The following CCND3 variants were observed in gnomAD, a reference collection of about 807,000 sequenced individuals.
CCND3 encodes the protein cyclin D3.
In CCND3, 9 loss-of-function variants were observed where a neutral mutation model predicts 28.7. The observed-to-expected ratio is 0.31, with a 90% confidence interval of 0.19 to 0.55. CCND3 has a LOEUF of 0.55. Among genes scored for constraint, CCND3 ranks in the 20% least tolerant of loss-of-function variants. The probability of loss-of-function intolerance (pLI) is 0.93; values close to 1 mark genes in which losing one functional copy is unlikely to be tolerated. For missense variants in CCND3, 315 were observed against 385.8 expected (o/e 0.82, Z 1.54); for synonymous variants, 164 against 163.9 (o/e 1.00, Z 0.00).
intron 1 of CCND3, among the ~76,000 whole-genome samples, chr6:41,951,283 C>A (rs369061895): frequency 6.6e-6 from 1 of 150,922 alleles, no homozygotes; most frequent in South Asian, 2.1e-4. Flanking sequence ...AGGCCAGGCG[C>A]GGTGGCTCAC....
chr6:42,046,218 A>C (rs1562002716), intron 1 of CCND3, among the ~76,000 whole-genome samples: 1 of 152,152 alleles, frequency 6.6e-6, no homozygotes, highest in Non-Finnish European at 1.5e-5. Flanking sequence ...AGCGTTTCAG[A>C]AAGGAGGTGG....
intron 1 of CCND3, among the ~76,000 whole-genome samples, chr6:42,037,386 C>T (rs1258451138): frequency 6.6e-6 from 1 of 151,874 alleles, no homozygotes. Flanking sequence ...TACAGGCATG[C>T]ACGACCATGC....
At chr6:42,042,932 G>A (rs1287040752) in intron 1 of CCND3, among the ~76,000 whole-genome samples, 1 of 152,238 alleles carries the variant, frequency 6.6e-6, no homozygotes, top group African/African-American at 2.4e-5. Context: ...TCGTTTGTCT[G>A]TAGAGGCTCT....
intron 1 of CCND3, among the ~76,000 whole-genome samples, chr6:41,951,556 AC>A (rs1776312924): frequency 1.4e-5 from 1 of 72,110 alleles, no homozygotes; most frequent in Admixed American, 1.3e-4. Context: ...ACACACACAC[AC>A]ACACACACAC....
At chr6:42,045,037 C>T (rs901740329) in intron 1 of CCND3, among the ~76,000 whole-genome samples, 1 of 150,392 alleles carries the variant, frequency 6.6e-6, no homozygotes. Flanking sequence ...AACTGCTGAC[C>T]TCGTGATCCG....
chr6:41,992,903 G>T (rs972567856), intron 1 of CCND3, among the ~76,000 whole-genome samples: 14 of 151,810 alleles, frequency 9.2e-5, no homozygotes, highest in Non-Finnish European at 1.8e-4. Flanking sequence ...TCTGTGCCTG[G>T]CCTTGTTTTT....
At position 41,948,027 on chromosome 6, in the gene CCND3, T is replaced by G. The variant is rs147701407; in HGVS notation, c.-45-7442A>C. ...AGACATGTTCTCTTTGCACGTGCTG[T>G]TCCATCTGCCTGGAATGTTCTGCCT... On this transcript the variant is annotated intron_variant, in intron 1 of 4. Transcript: ENST00000372988. Among the ~76,000 whole-genome samples the G allele has an allele frequency of 4.6e-5, 7 of 152,144 alleles. No homozygotes were observed. The East Asian group carries it at 1.4e-3, about 29-fold the overall frequency.
chr6:41,984,646 C>T (rs986718613), intron 1 of CCND3, among the ~76,000 whole-genome samples: 2 of 152,202 alleles, frequency 1.3e-5, no homozygotes, highest in East Asian at 1.9e-4. Context: ...CCACTCTCGG[C>T]GGGTAGTTGC....
In CCND3 at chr6:41,941,749, G is replaced by A; in HGVS notation, c.-100C>T. ...GGGCGCGGGTCTGGCGCTGGCGCTG[G>A]CACTGCGCGGCGGATCCCCAGCCCG... On this transcript the variant is annotated 5_prime_UTR_variant, in exon 1 of 5. Coordinates refer to ENST00000372991, the MANE Select transcript of CCND3 (RefSeq NM_001760.5). This position sits in a 1 kb window ranked among gnomAD's most constrained non-coding sequence, Gnocchi z 6.1. The A allele has an allele frequency of 1.2e-6, 1 of 821,972 alleles. No individual in the cohort carries two copies. The highest frequency in any genetic ancestry group is 1.6e-6 in the Non-Finnish European group (1 of 618,942). The allele number at this position is 821,972 out of a possible 1,614,324, so 50.9% of individuals were successfully genotyped here. A position where few individuals can be genotyped will look rare whatever the true frequency, so the allele number is the denominator to read the frequency against.
At chr6:42,032,435 G>A (rs1159659535) in intron 1 of CCND3, among the ~76,000 whole-genome samples, 1 of 152,196 alleles carries the variant, frequency 6.6e-6, no homozygotes, top group Non-Finnish European at 1.5e-5. Context: ...GACAGAGGCT[G>A]GAAAGTGGAA....
At chr6:41,990,653 C>T (rs1258474583) in intron 1 of CCND3, among the ~76,000 whole-genome samples, 1 of 134,118 alleles carries the variant, frequency 7.5e-6, no homozygotes, top group African/African-American at 2.8e-5. Flanking sequence ...GAATCTATAA[C>T]CAACTGATTT....
At position 41,949,910 on chromosome 6, in the gene CCND3, C is replaced by T. The variant is rs573943499; in HGVS notation, c.-45-9325G>A. On this transcript the variant is annotated intron_variant, in intron 1 of 4. Transcript: ENST00000372988. ...GAGGTTGAGACCATCCTGGCTAACACGATGAAACCCTGTCTTTACTAAAAA... is the reference window on the plus strand; with the variant it reads ...GAGGTTGAGACCATCCTGGCTAACATGATGAAACCCTGTCTTTACTAAAAA... Among the ~76,000 whole-genome samples the T allele has an allele frequency of 3.3e-5, 5 of 149,342 alleles. No homozygotes were observed. The South Asian group carries it at 8.5e-4, about 25-fold the overall frequency.
chr6:42,039,842 A>G (rs1156469377), intron 1 of CCND3, among the ~76,000 whole-genome samples: 1 of 152,084 alleles, frequency 6.6e-6, no homozygotes, highest in Non-Finnish European at 1.5e-5. Flanking sequence ...CCTCCCTTCC[A>G]CCTTCTTGGC....
At chr6:41,995,854 G>A (rs990647105) in intron 1 of CCND3, among the ~76,000 whole-genome samples, 1 of 151,762 alleles carries the variant, frequency 6.6e-6, no homozygotes, top group African/African-American at 2.4e-5. Context: ...AAGAGTTCAA[G>A]ACCAACCTGG....
chr6:41,970,996 C>T (rs1762019837), intron 1 of CCND3, among the ~76,000 whole-genome samples: 1 of 152,046 alleles, frequency 6.6e-6, no homozygotes, highest in African/African-American at 2.4e-5. Context: ...TGACTTACTG[C>T]AACCACCACC....
intron 1 of CCND3, among the ~76,000 whole-genome samples, chr6:41,977,378 C>A (rs1040737959): frequency 1.3e-5 from 2 of 151,968 alleles, no homozygotes; most frequent in African/African-American, 4.8e-5. Context: ...TTATTTTTTT[C>A]TTTTTTGAGA....
At chr6:42,028,247 G>C (rs369648539) in intron 1 of CCND3, among the ~76,000 whole-genome samples, 8 of 152,322 alleles carry the variant, frequency 5.3e-5, no homozygotes, top group African/African-American at 1.9e-4. Flanking sequence ...AGGGTGGCCA[G>C]GGAAGGAGTG....
At chr6:42,010,931 T>C (rs891996755) in intron 1 of CCND3, 1 of 152,090 alleles carries the variant, frequency 6.6e-6, no homozygotes, top group Admixed American at 6.6e-5. Flanking sequence ...CACAGGAAAA[T>C]TGAGAGGAAA....
At chr6:42,044,783 TTTTA>T (rs70987565) in intron 1 of CCND3, among the ~76,000 whole-genome samples, 4 of 143,032 alleles carry the variant, frequency 2.8e-5, no homozygotes, top group African/African-American at 7.8e-5. Flanking sequence ...CTTTCTTTCC[TTTTA>T]TTTATTTATT....
Sources: allele counts gnomAD v4.1 joint callset (sites outside exome capture counted in the v4.1 genomes callset), GRCh38; gene constraint gnomAD v4.1.1; non-coding constraint Gnocchi (gnomAD v3.1); transcripts MANE v1.5; gene names NCBI Gene and HGNC (gene_info 2026-07-23, HGNC 2026-07-21).